Variants in PCDH15 observed in about 807,000 individuals in gnomAD.
The protein encoded by PCDH15 is protocadherin-15.
Under a neutral mutation model 178.5 loss-of-function variants are expected in PCDH15, and 129 were observed. The ratio of observed to expected loss-of-function variants is 0.72; its 90% CI spans 0.63 to 0.84. PCDH15 has a LOEUF of 0.84. PCDH15 is among the 40% of genes least tolerant of loss of function. The probability of loss-of-function intolerance (pLI) is 0.00; values close to 1 mark genes in which losing one functional copy is unlikely to be tolerated. For missense variants in PCDH15, 2,230 were observed against 2,099.9 expected (o/e 1.06, Z -1.21); for synonymous variants, 800 against 732.0 (o/e 1.09, Z -1.50).
intron 2 of PCDH15, among the ~76,000 whole-genome samples, chr10:55,426,622 G>T (rs1216577435): frequency 1.3e-5 from 2 of 152,168 alleles, no homozygotes; most frequent in African/African-American, 4.8e-5. Flanking sequence ...ATGTGAGGTG[G>T]CTGCCTTCCA....
At chr10:54,526,426 T>A (rs185435305) in intron 3 of PCDH15, among the ~76,000 whole-genome samples, 2 of 152,322 alleles carry the variant, frequency 1.3e-5, no homozygotes, top group East Asian at 3.9e-4. Context: ...GTTTTCACTG[T>A]GGAATATTTA....
intron 2 of PCDH15, among the ~76,000 whole-genome samples, chr10:54,601,536 A>T (rs975090842): frequency 6.6e-6 from 1 of 152,060 alleles, no homozygotes; most frequent in Non-Finnish European, 1.5e-5. Flanking sequence ...AAAGTCAGAA[A>T]GTAGCATATG....
chr10:55,128,868 A>G (rs935884909), intron 2 of PCDH15, among the ~76,000 whole-genome samples: 4 of 152,142 alleles, frequency 2.6e-5, no homozygotes, highest in Non-Finnish European at 5.9e-5. Context: ...CGCTACTTGC[A>G]AGCATCAAGT....
intron 3 of PCDH15, among the ~76,000 whole-genome samples, chr10:54,877,394 C>T (rs1954165457): frequency 6.6e-6 from 1 of 152,068 alleles, no homozygotes; most frequent in South Asian, 2.1e-4. Flanking sequence ...TGACAATTAT[C>T]TAATTTTCAC....
intron 3 of PCDH15, among the ~76,000 whole-genome samples, chr10:54,416,909 T>C (rs1247691119): frequency 6.6e-6 from 1 of 152,192 alleles, no homozygotes; most frequent in African/African-American, 2.4e-5. Flanking sequence ...TTGTTGGCCA[T>C]GTAGATGTCA....
At chr10:54,031,806 G>A (rs763915369) in intron 18 of PCDH15, among the ~76,000 whole-genome samples, 4 of 151,992 alleles carry the variant, frequency 2.6e-5, no homozygotes, top group African/African-American at 4.8e-5. Context: ...TTGTTGTCAT[G>A]TTCACGCTCA....
At chr10:54,782,457 T>TAATGTAAAAG (rs1950462891) in intron 1 of PCDH15, among the ~76,000 whole-genome samples, 5 of 152,206 alleles carry the variant, frequency 3.3e-5, no homozygotes, top group African/African-American at 1.2e-4. Context: ...TTGCTCCAAT[T>TAATGTAAAAG]TTATGTGTCA....
chr10:54,780,221 C>T (rs1950228337), intron 1 of PCDH15, among the ~76,000 whole-genome samples: 1 of 152,058 alleles, frequency 6.6e-6, no homozygotes, highest in African/African-American at 2.4e-5. Context: ...AAGCCCTTAC[C>T]ACAAGGAGGA....
At chr10:55,518,206 C>T (rs1841067012) in intron 2 of PCDH15, among the ~76,000 whole-genome samples, 1 of 152,086 alleles carries the variant, frequency 6.6e-6, no homozygotes, top group South Asian at 2.1e-4. Flanking sequence ...TTCTGTCATT[C>T]CCTCTTTAAA....
chr10:54,448,369 T>G (rs1266977507), intron 3 of PCDH15, among the ~76,000 whole-genome samples: 2 of 151,700 alleles, frequency 1.3e-5, no homozygotes, highest in East Asian at 3.9e-4. Context: ...AATCATTCCT[T>G]AGATGACTGA....
rs1238707924 is a variant in PCDH15 at position 54,798,397 on chromosome 10, TCAAA to T, written c.-29+2524_-29+2527del. Among the ~76,000 whole-genome samples, 3 of 152,052 alleles carry T rather than the reference TCAAA, an allele frequency of 2.0e-5. No homozygotes were observed. In the East Asian group the frequency reaches 5.8e-4, roughly 29 times the overall value. The stretch of plus-strand genomic sequence containing the variant: ...ATTACAAAAGAAAATATATCAAACC[TCAAA>T]CAAAGTTTTAGTTGAGAGTAACAAA... On this transcript the variant is annotated intron_variant, in intron 1 of 37. Transcript: ENST00000644397.
chr10:55,197,541 T>C (rs966940564), intron 1 of PCDH15, among the ~76,000 whole-genome samples: 2 of 152,112 alleles, frequency 1.3e-5, no homozygotes, highest in African/African-American at 4.8e-5. Context: ...TTCTTAAAAA[T>C]GCCATAATGT....
intron 2 of PCDH15, among the ~76,000 whole-genome samples, chr10:55,106,465 G>A (rs945062454): frequency 9.9e-5 from 15 of 152,204 alleles, no homozygotes; most frequent in African/African-American, 3.6e-4. Flanking sequence ...CCAGGCTGGA[G>A]TGCAGTGGCG....
intron 2 of PCDH15, among the ~76,000 whole-genome samples, chr10:55,444,731 G>A (rs1839277444): frequency 6.6e-6 from 1 of 152,072 alleles, no homozygotes; most frequent in African/African-American, 2.4e-5. Flanking sequence ...GTATTGTCAA[G>A]TATTCTCATA....
chr10:55,065,909 T>A (rs953476526), intron 2 of PCDH15, among the ~76,000 whole-genome samples: 8 of 152,028 alleles, frequency 5.3e-5, no homozygotes, highest in Non-Finnish European at 8.8e-5. Context: ...AAAAACTATG[T>A]CGTGATTGTG....
At chr10:54,680,165 G>C (rs2094872852) in intron 1 of PCDH15, among the ~76,000 whole-genome samples, 1 of 152,140 alleles carries the variant, frequency 6.6e-6, no homozygotes, top group African/African-American at 2.4e-5. Context: ...ATGTACTGTG[G>C]TAAATGCAGT....
intron 9 of PCDH15, among the ~76,000 whole-genome samples, chr10:54,232,614 T>A (rs147558287): frequency 3.9e-4 from 60 of 152,350 alleles, no homozygotes; most frequent in African/African-American, 1.4e-3. Context: ...TCAGTTTGAA[T>A]AGTTTGATTC....
At chr10:54,940,864 G>A (rs1342722730) in intron 2 of PCDH15, among the ~76,000 whole-genome samples, 1 of 151,872 alleles carries the variant, frequency 6.6e-6, no homozygotes, top group Non-Finnish European at 1.5e-5. Context: ...TCTTGTGGTT[G>A]CTATCATTTC....
At chr10:54,133,927 T>G (rs1350333387) in intron 14 of PCDH15, among the ~76,000 whole-genome samples, 1 of 90,442 alleles carries the variant, frequency 1.1e-5, no homozygotes, top group African/African-American at 3.3e-5. Flanking sequence ...ACATATAACA[T>G]TTTGTACAAA....
Sources: gnomAD v4.1 joint callset for allele counts (sites outside exome capture counted in the v4.1 genomes callset) on GRCh38, gnomAD v4.1.1 for gene constraint, MANE v1.5 for transcripts, NCBI Gene and HGNC (gene_info 2026-07-23, HGNC 2026-07-21) for gene names.